The following VCAN variants were observed in gnomAD, a reference collection of about 807,000 sequenced individuals.
VCAN encodes versican.
Under a neutral mutation model 245.5 loss-of-function variants are expected in VCAN, and 44 were observed. The ratio of observed to expected loss-of-function variants is 0.18; its 90% CI spans 0.14 to 0.23. The LOEUF is 0.23. Among genes scored for constraint, VCAN ranks in the 10% least tolerant of loss-of-function variants. The pLI is 1.00. For synonymous variants in VCAN, 1,413 were observed against 1,437.0 expected (o/e 0.98, Z 0.38); for missense variants, 3,793 against 4,057.9 (o/e 0.93, Z 1.77).
At chr5:83,548,825 A>G (rs989799519) in intron 10 of VCAN, among the ~76,000 whole-genome samples, 3 of 152,198 alleles carry the variant, frequency 2.0e-5, no homozygotes, top group South Asian at 2.1e-4. Flanking sequence ...CCAAACTTCC[A>G]TTCCACCAGA....
At position 83,541,296 on chromosome 5, in the gene VCAN, T is replaced by G; in HGVS notation, c.8293T>G (p.Phe2765Val). The G allele has an allele frequency of 6.2e-7, 1 of 1,614,066 alleles. No homozygotes were observed. Among genetic ancestry groups the G allele is most frequent in the Non-Finnish European group, 8.5e-7 (1 of 1,179,996 alleles). Reference protein sequence around the residue: ...KHAGPSFQPEFSSGAEEALVD... With the variant: ...KHAGPSFQPEVSSGAEEALVD... ...TGCTGGTCCTTCTTTTCAGCCAGAA[T>G]TCTCTTCAGGAGCTGAGGAGGCATT... The change falls in exon 8 of 15, where the codon TTC becomes GTC. Residue 2765 changes from phenylalanine to valine, a missense_variant. This residue lies in a region of VCAN where 3,182 missense variants were observed against 3,250.3 expected (regional missense o/e 0.98). Coordinates refer to ENST00000265077, the MANE Select transcript of VCAN (RefSeq NM_004385.5).
intron 12 of VCAN, among the ~76,000 whole-genome samples, chr5:83,558,360 G>A (rs1747749367): frequency 6.6e-6 from 1 of 152,150 alleles, no homozygotes; most frequent in African/African-American, 2.4e-5. Context: ...ACTTGACTGT[G>A]TGCAGTTTTA....
At chr5:83,526,644 A>G (rs750812524) in intron 7 of VCAN, among the ~76,000 whole-genome samples, 7 of 152,198 alleles carry the variant, frequency 4.6e-5, no homozygotes, top group Non-Finnish European at 8.8e-5. Context: ...TGTTTCAAAA[A>G]TTGGTCTGAT....
intron 5 of VCAN, among the ~76,000 whole-genome samples, chr5:83,507,145 C>G (rs1034551844): frequency 8.5e-5 from 13 of 152,064 alleles, no homozygotes; most frequent in African/African-American, 2.9e-4. Context: ...AAACATGTTC[C>G]AAATCTGTGC....
intron 1 of VCAN, among the ~76,000 whole-genome samples, chr5:83,482,805 A>AT (rs1744656293): frequency 6.6e-6 from 1 of 152,150 alleles, no homozygotes; most frequent in South Asian, 2.1e-4. Context: ...AGTACAGGGT[A>AT]TTTTCTTTCA....
Position 83,542,052 on chromosome 5 carries a change from G to C in VCAN, c.9049G>C (p.Ala3017Pro), listed in dbSNP as rs774896703. 4.9e-5 allele frequency: 79 copies of C among 1,612,504 alleles called. No individual in the cohort carries two copies. The highest frequency in any genetic ancestry group is 6.4e-5 in the Non-Finnish European group (76 of 1,178,898). ...AGAAATAAACCCTGAAACTCAAGCAGCTTTAATCAGAGGGCAGGATTCCAC... is the reference window on the plus strand; with the variant it reads ...AGAAATAAACCCTGAAACTCAAGCACCTTTAATCAGAGGGCAGGATTCCAC... ...SPEINPETQAALIRGQDSTIA... is the reference protein window; with the variant it reads ...SPEINPETQAPLIRGQDSTIA... The change falls in exon 8 of 15, where the codon GCT becomes CCT. Residue 3017 changes from alanine (A) to proline (P), a missense_variant. Ala to Pro is a conservative substitution (Grantham distance 27, BLOSUM62 -1). Around this residue, in one of 5 missense-constraint regions of VCAN, gnomAD observed 3,182 missense variants for 3,250.3 expected, o/e 0.98. Coordinates refer to ENST00000265077, the MANE Select transcript of VCAN (RefSeq NM_004385.5).
intron 2 of VCAN, among the ~76,000 whole-genome samples, chr5:83,487,310 G>A (rs571605563): frequency 2.0e-5 from 3 of 152,236 alleles, no homozygotes; most frequent in African/African-American, 7.2e-5. Flanking sequence ...TTACTCTAAG[G>A]AATCTGCTGA....
intron 7 of VCAN, among the ~76,000 whole-genome samples, chr5:83,530,001 T>C (rs952630466): frequency 7.9e-5 from 12 of 152,182 alleles, no homozygotes; most frequent in Non-Finnish European, 1.5e-4. Context: ...ATAATTGTAC[T>C]TTAGTGTCTG....
rs1429904130 is a variant in VCAN, at chr5:83,521,391, G to A, written c.3085G>A (p.Gly1029Arg). The change falls in exon 7 of 15, where the codon GGA (glycine) becomes AGA (arginine). Residue 1029 changes from glycine (G) to arginine (R), a missense_variant. By Grantham distance (125) the Gly-to-Arg change is moderately radical. Around this residue, in one of 5 missense-constraint regions of VCAN, gnomAD observed 3,182 missense variants for 3,250.3 expected, o/e 0.98. Transcript: ENST00000265077. ...ETMRTTKITE[G>R]TTQEEFPWKE... The stretch of plus-strand genomic sequence containing the variant: ...TATGAGAACAACAAAAATCACAGAG[G>A]GAACAACTCAGGAAGAATTCCCTTG... 3 of 1,613,968 alleles carry A rather than the reference G, an allele frequency of 1.9e-6. No individual in the cohort carries two copies. In the East Asian group the frequency reaches 6.7e-5, roughly 36 times the overall value.
At chr5:83,497,915 G>T (rs193279381) in intron 5 of VCAN, among the ~76,000 whole-genome samples, 6 of 152,220 alleles carry the variant, frequency 3.9e-5, no homozygotes, top group African/African-American at 9.6e-5. Context: ...TTGCAGATGA[G>T]GTCCTATTAC....
intron 12 of VCAN, among the ~76,000 whole-genome samples, chr5:83,568,101 A>G (rs1208326034): frequency 6.6e-6 from 1 of 150,600 alleles, no homozygotes; most frequent in Admixed American, 6.7e-5. Context: ...AACTTTAGTG[A>G]AAAGAAAAGT....
intron 9 of VCAN, among the ~76,000 whole-genome samples, chr5:83,546,131 CT>C (rs1262369028): frequency 3.3e-5 from 5 of 151,998 alleles, no homozygotes; most frequent in African/African-American, 1.2e-4. Flanking sequence ...CCCAACGTGC[CT>C]CGGCCTCAGG....
intron 12 of VCAN, among the ~76,000 whole-genome samples, chr5:83,557,879 A>T (rs1561268792): frequency 6.6e-6 from 1 of 152,178 alleles, no homozygotes; most frequent in African/African-American, 2.4e-5. Context: ...TTTGAAGAAG[A>T]CACATGATGA....
chr5:83,556,568 G>C (rs2112474949), intron 12 of VCAN, among the ~76,000 whole-genome samples: 1 of 152,236 alleles, frequency 6.6e-6, no homozygotes, highest in East Asian at 1.9e-4. Context: ...CACAACCTTA[G>C]AATCAATAGG....
chr5:83,572,633 CT>C (rs1748328221), intron 13 of VCAN, 73 bp downstream of exon 13: 2 of 1,586,206 alleles, frequency 1.3e-6, no homozygotes, highest in African/African-American at 1.3e-5. Flanking sequence ...GAATTTGTGT[CT>C]CAAATTCATT....
intron 8 of VCAN, among the ~76,000 whole-genome samples, chr5:83,545,249 C>T (rs974031257): frequency 1.3e-5 from 2 of 152,118 alleles, no homozygotes; most frequent in African/African-American, 4.8e-5. Flanking sequence ...ATCATGCCAA[C>T]TAAATCTGCA....
At chr5:83,535,834 T>C (rs1489797768) in intron 7 of VCAN, 1 of 152,166 alleles carries the variant, frequency 6.6e-6, no homozygotes, top group Non-Finnish European at 1.5e-5. Flanking sequence ...ACTCATTCTG[T>C]AGTATTATTC....
In VCAN at chr5:83,580,576, C is replaced by A; in HGVS notation, c.*142C>A. On this transcript the variant is annotated 3_prime_UTR_variant, in exon 15 of 15. Coordinates refer to ENST00000265077, the MANE Select transcript of VCAN (RefSeq NM_004385.5). ...CAGTCATTTTGGGTTGCCGTGCTCC[C>A]AAAACATTTTAAATGAAAGTATTGG... The A allele has an allele frequency of 8.0e-7, 1 of 1,247,512 alleles. No homozygotes were observed. The highest frequency in any genetic ancestry group is 1.1e-6 in the Non-Finnish European group (1 of 878,758). 77.3% of individuals were successfully genotyped at this position (1,247,512 alleles called of 1,614,324 possible).
At position 83,483,484 on chromosome 5, in the gene VCAN, ATTTACTTTGTGT is replaced by A. The variant is rs1744683202; in HGVS notation, c.-6-25_-6-14del. ...CCCACTTTAAACCTGAATGCTTGTG[ATTTACTTTGTGT>A]TTTTCTTCATTTCTAGGCCAAGATG... is the stretch of plus-strand genomic sequence containing the variant. On this transcript the variant is annotated splice_polypyrimidine_tract_variant and intron_variant, in intron 1 of 14. Coordinates refer to ENST00000265077, the MANE Select transcript of VCAN (RefSeq NM_004385.5). The A allele has an allele frequency of 5.7e-6, 9 of 1,589,346 alleles. No homozygotes were observed. The highest frequency in any genetic ancestry group is 7.8e-6 in the Non-Finnish European group (9 of 1,158,242).
Sources: allele counts gnomAD v4.1 joint callset (sites outside exome capture counted in the v4.1 genomes callset), GRCh38; gene constraint gnomAD v4.1.1; regional missense constraint gnomAD v4.1.1; transcripts MANE v1.5; gene names NCBI Gene and HGNC (gene_info 2026-07-23, HGNC 2026-07-21).